IQGAP2: variants seen among roughly 807,000 people sequenced by gnomAD.
IQGAP2 encodes ras GTPase-activating-like protein IQGAP2.
IQGAP2 carries 173 observed loss-of-function variants against 201.3 expected under a neutral mutation model. The ratio of observed to expected loss-of-function variants is 0.86; its 90% CI spans 0.76 to 0.98. The LOEUF is 0.98. IQGAP2 is among the 50% of genes least tolerant of loss of function. The probability of loss-of-function intolerance (pLI) is 0.00; values close to 1 mark genes in which losing one functional copy is unlikely to be tolerated. For synonymous variants in IQGAP2, 675 were observed against 673.9 expected (o/e 1.00, Z -0.03); for missense variants, 1,687 against 1,864.8 (o/e 0.90, Z 1.76).
At position 76,565,036 on chromosome 5, in the gene IQGAP2, A is replaced by T. The variant is rs113639785; in HGVS notation, c.303+2484A>T. Among the ~76,000 whole-genome samples, 1,253 of 152,336 alleles carry T rather than the reference A, an allele frequency of 8.2e-3. 11 individuals are homozygous for T. Among genetic ancestry groups the T allele is most frequent in the Non-Finnish European group, 0.01 (684 of 68,024 alleles). On this transcript the variant is annotated intron_variant, in intron 3 of 35. Transcript: ENST00000274364. ...GTGTTCTTGATGGAAACTTTGAGTG[A>T]TTTGCCATGTAATCATAAAATCTTA...
At chr5:76,653,987 A>G (rs572393421) in intron 18 of IQGAP2, among the ~76,000 whole-genome samples, 1 of 152,348 alleles carries the variant, frequency 6.6e-6, no homozygotes, top group East Asian at 1.9e-4. Flanking sequence ...ATTTAGAGTA[A>G]CATGTAAAGC....
intron 2 of IQGAP2, among the ~76,000 whole-genome samples, chr5:76,464,773 A>G (rs1246096454): frequency 1.3e-5 from 2 of 152,236 alleles, no homozygotes; most frequent in African/African-American, 2.4e-5. Flanking sequence ...AAAGGATTAT[A>G]AAGGAATACT....
At position 76,429,010 on chromosome 5, in the gene IQGAP2, C is replaced by T. The variant is rs551960103; in HGVS notation, c.46+25419C>T. Among the ~76,000 whole-genome samples the T allele has an allele frequency of 4.0e-5, 6 of 148,186 alleles. No individual in the cohort carries two copies. In the East Asian group the frequency reaches 1.2e-3, roughly 30 times the overall value. The stretch of plus-strand genomic sequence containing the variant: ...AGGAGAATTGCTTGAACCTGGGAGA[C>T]AGAGGTTTCAGTGAGCCAAGATTGT... On this transcript the variant is annotated intron_variant, in intron 1 of 35. Coordinates refer to ENST00000274364, the MANE Select transcript of IQGAP2 (RefSeq NM_006633.5).
intron 30 of IQGAP2, 140 bp downstream of exon 30, chr5:76,684,057 A>T (rs1745533238): frequency 1.6e-6 from 1 of 644,670 alleles, no homozygotes; most frequent in Admixed American, 3.8e-5. Context: ...CAAACATCTA[A>T]CCAAAGGATA....
chr5:76,410,444 G>A (rs1751047342), intron 1 of IQGAP2, among the ~76,000 whole-genome samples: 1 of 152,160 alleles, frequency 6.6e-6, no homozygotes, highest in Admixed American at 6.5e-5. Context: ...TAGAGACATG[G>A]GTGAGTGGCC....
chr5:76,544,908 A>G (rs1743002717), intron 2 of IQGAP2, among the ~76,000 whole-genome samples: 3 of 152,134 alleles, frequency 2.0e-5, no homozygotes, highest in Admixed American at 1.3e-4. Context: ...TACAGTATGT[A>G]TGTAGTTATA....
At chr5:76,705,572 G>A (rs988684697) in intron 35 of IQGAP2, among the ~76,000 whole-genome samples, 1 of 152,162 alleles carries the variant, frequency 6.6e-6, no homozygotes, top group Non-Finnish European at 1.5e-5. Flanking sequence ...TTTAACAGAT[G>A]TTGCATTTCC....
intron 28 of IQGAP2, among the ~76,000 whole-genome samples, chr5:76,680,355 G>T (rs892062550): frequency 6.6e-6 from 1 of 152,154 alleles, no homozygotes; most frequent in African/African-American, 2.4e-5. Flanking sequence ...GGTAGACATA[G>T]ATGTAAGAGC....
intron 2 of IQGAP2, among the ~76,000 whole-genome samples, chr5:76,497,902 C>T (rs972688968): frequency 1.3e-5 from 2 of 152,132 alleles, no homozygotes; most frequent in Non-Finnish European, 2.9e-5. Context: ...GGTGTACTGG[C>T]CACCACCTAT....
intron 4 of IQGAP2, among the ~76,000 whole-genome samples, chr5:76,572,753 A>T (rs931299751): frequency 4.1e-4 from 63 of 152,232 alleles, no homozygotes; most frequent in African/African-American, 1.4e-3. Flanking sequence ...AGCTATTTTT[A>T]AAAAATTATT....
chr5:76,612,949 A>T (rs1748539708), intron 13 of IQGAP2, among the ~76,000 whole-genome samples: 1 of 152,196 alleles, frequency 6.6e-6, no homozygotes, highest in Non-Finnish European at 1.5e-5. Context: ...AACCAATGTA[A>T]ATCCTATCCT....
intron 13 of IQGAP2, among the ~76,000 whole-genome samples, chr5:76,622,288 G>A (rs2069650): frequency 0.041 from 6,176 of 152,184 alleles, 231 homozygotes; most frequent in East Asian, 0.2. Context: ...CAGAAAGAGC[G>A]TGCACTTATT....
intron 1 of IQGAP2, among the ~76,000 whole-genome samples, chr5:76,442,042 G>A (rs1314165470): frequency 6.6e-6 from 1 of 152,110 alleles, no homozygotes; most frequent in Non-Finnish European, 1.5e-5. Flanking sequence ...AAGAAAACAG[G>A]GACCCAAAGC....
chr5:76,488,501 G>C (rs1024186608), intron 2 of IQGAP2, among the ~76,000 whole-genome samples: 2 of 152,130 alleles, frequency 1.3e-5, no homozygotes, highest in Admixed American at 1.3e-4. Context: ...CTGTGCTTCT[G>C]AATAACAATA....
chr5:76,588,271 C>G (rs749738498), intron 5 of IQGAP2, among the ~76,000 whole-genome samples: 1 of 152,092 alleles, frequency 6.6e-6, no homozygotes, highest in Non-Finnish European at 1.5e-5. Flanking sequence ...AATTTAGATG[C>G]CAGCTCTCAA....
intron 13 of IQGAP2, chr5:76,618,177 A>C: frequency 3.7e-6 from 6 of 1,614,184 alleles, no homozygotes; most frequent in Non-Finnish European, 5.1e-6. Flanking sequence ...GGAGCAGTAC[A>C]TGTTGCCATA....
chr5:76,500,631 C>T (rs570332294), intron 2 of IQGAP2, among the ~76,000 whole-genome samples: 1 of 152,180 alleles, frequency 6.6e-6, no homozygotes, highest in South Asian at 2.1e-4. Flanking sequence ...TCTATGAGCC[C>T]CTTTTGTGCC....
chr5:76,662,700 T>C (rs771381456), intron 21 of IQGAP2, among the ~76,000 whole-genome samples: 1 of 152,234 alleles, frequency 6.6e-6, no homozygotes, highest in Non-Finnish European at 1.5e-5. Flanking sequence ...TAGGACTTCT[T>C]ATAGATAAGG....
intron 30 of IQGAP2, among the ~76,000 whole-genome samples, chr5:76,689,069 G>A (rs892180770): frequency 1.2e-4 from 19 of 152,028 alleles, no homozygotes; most frequent in South Asian, 6.3e-4. Context: ...ACTGAGTAAC[G>A]GAGGCTGGAG....
Sources: allele counts gnomAD v4.1 joint callset (sites outside exome capture counted in the v4.1 genomes callset), GRCh38; gene constraint gnomAD v4.1.1; transcripts MANE v1.5; gene names NCBI Gene and HGNC (gene_info 2026-07-23, HGNC 2026-07-21).